PDE4D: variants seen among roughly 807,000 people sequenced by gnomAD.
PDE4D encodes the protein 3',5'-cyclic-AMP phosphodiesterase 4D.
Under a neutral mutation model 87.4 loss-of-function variants are expected in PDE4D, and 24 were observed. The observed-to-expected ratio is 0.27, with a 90% CI of 0.20 to 0.39. PDE4D has a LOEUF of 0.39. Among genes scored for constraint, PDE4D ranks in the 10% least tolerant of loss-of-function variants. PDE4D has a pLI of 1.00. For synonymous variants in PDE4D, 384 were observed against 383.2 expected, an observed-to-expected ratio of 1.00 and a Z score of -0.02; for missense variants, 714 against 1,041.0, an observed-to-expected ratio of 0.69 and a Z score of 4.32.
intron 1 of PDE4D, among the ~76,000 whole-genome samples, chr5:60,403,274 G>C (rs945041780): frequency 5.3e-5 from 8 of 152,192 alleles, no homozygotes; most frequent in African/African-American, 1.9e-4. Flanking sequence ...ATAGAATGAA[G>C]AATACTTAAA....
chr5:60,461,326 A>C (rs954706091), intron 1 of PDE4D, among the ~76,000 whole-genome samples: 3 of 152,152 alleles, frequency 2.0e-5, no homozygotes, highest in Non-Finnish European at 4.4e-5. Flanking sequence ...TCTTGGTGAA[A>C]TTTACCTCCA....
chr5:60,144,136 G>A (rs11741663), intron 2 of PDE4D, among the ~76,000 whole-genome samples: 32,177 of 152,054 alleles, frequency 0.21, 4,304 homozygotes, highest in East Asian at 0.42. Context: ...GTGACCTCCA[G>A]GTGCAAAGGC....
At chr5:59,670,699 T>A (rs184274796) in intron 1 of PDE4D, among the ~76,000 whole-genome samples, 1 of 152,372 alleles carries the variant, frequency 6.6e-6, no homozygotes, top group African/African-American at 2.4e-5. Context: ...AAACATATAC[T>A]AATTCTTAAA....
At chr5:59,880,886 A>G (rs547651159) in intron 1 of PDE4D, among the ~76,000 whole-genome samples, 23 of 152,260 alleles carry the variant, frequency 1.5e-4, no homozygotes, top group East Asian at 1.2e-3. Flanking sequence ...ACCTGTTATT[A>G]CTGGTTTTTT....
intron 1 of PDE4D, among the ~76,000 whole-genome samples, chr5:59,792,369 A>G (rs1329764137): frequency 6.6e-6 from 1 of 150,446 alleles, no homozygotes; most frequent in African/African-American, 2.5e-5. Context: ...GGGCACTTAA[A>G]ATACTAGCAA....
At chr5:59,685,451 T>C (rs1411217988) in intron 1 of PDE4D, among the ~76,000 whole-genome samples, 1 of 152,214 alleles carries the variant, frequency 6.6e-6, no homozygotes, top group African/African-American at 2.4e-5. Flanking sequence ...GGGCCATTTG[T>C]CACTTTTTCT....
intron 1 of PDE4D, among the ~76,000 whole-genome samples, chr5:59,353,058 G>T (rs1780772457): frequency 6.6e-6 from 1 of 152,136 alleles, no homozygotes; most frequent in Non-Finnish European, 1.5e-5. Flanking sequence ...AATAATCTCT[G>T]CCCTACATTC....
intron 1 of PDE4D, among the ~76,000 whole-genome samples, chr5:59,838,600 C>T (rs1234482931): frequency 6.6e-6 from 1 of 151,948 alleles, no homozygotes; most frequent in African/African-American, 2.4e-5. Context: ...GTCAGATTAC[C>T]AACTCGTTTA....
intron 6 of PDE4D, among the ~76,000 whole-genome samples, chr5:59,007,916 C>A (rs1751959396): frequency 6.6e-6 from 1 of 151,938 alleles, no homozygotes; most frequent in Admixed American, 6.6e-5. Context: ...TGCTAAGAGG[C>A]TCCTTGAAGC....
rs1743100603 is a variant in PDE4D at position 58,973,881 on chromosome 5, C to CTACAAATCAGTTAATTGCTATGAACTA, written c.*756_*782dup. ...GGTATATAAAACAAACAATGAATCA[C>CTACAAATCAGTTAATTGCTATGAACTA]TACAAATCAGTTAATTGCTATGAAC... On this transcript the variant is annotated 3_prime_UTR_variant, in exon 15 of 15. Coordinates refer to ENST00000340635, the MANE Select transcript of PDE4D (RefSeq NM_001104631.2). 6.6e-6 allele frequency: 1 copy of CTACAAATCAGTTAATTGCTATGAACTA among 152,510 alleles called. No individual in the cohort carries two copies. Among genetic ancestry groups the CTACAAATCAGTTAATTGCTATGAACTA allele is most frequent in the Non-Finnish European group, 1.5e-5 (1 of 68,012 alleles). The allele number at this position is 152,510 out of a possible 1,614,324, so 9.4% of individuals were successfully genotyped here. A position where few individuals can be genotyped will look rare whatever the true frequency, so the allele number is the denominator to read the frequency against.
rs2153615750 is a variant in PDE4D at position 59,404,423 on chromosome 5, C to T, written c.456-188455G>A. Among the ~76,000 whole-genome samples, 2 of 151,772 alleles carry T rather than the reference C, an allele frequency of 1.3e-5. 1 individual carries two copies. The highest frequency in any genetic ancestry group is 7.0e-3 in the Middle Eastern group (2 of 286). On this transcript the variant is annotated intron_variant, in intron 1 of 14. Coordinates refer to ENST00000340635, the MANE Select transcript of PDE4D (RefSeq NM_001104631.2). The stretch of plus-strand genomic sequence containing the variant: ...CCTGCAATCCATGCACTTTGGGAGG[C>T]CTAGGCAGGTATATCACTTGAGGTC...
At chr5:59,060,473 G>A (rs1357900394) in intron 5 of PDE4D, among the ~76,000 whole-genome samples, 1 of 151,858 alleles carries the variant, frequency 6.6e-6, no homozygotes, top group African/African-American at 2.4e-5. Context: ...TCATATATCT[G>A]TTCATTCACC....
intron 2 of PDE4D, among the ~76,000 whole-genome samples, chr5:60,098,416 ATAAAATATG>A (rs1414941884): frequency 6.6e-6 from 1 of 151,950 alleles, no homozygotes; most frequent in Non-Finnish European, 1.5e-5. Flanking sequence ...ATACATAGAC[ATAAAATATG>A]TTTTCATTCG....
At position 59,851,588 on chromosome 5, in the gene PDE4D, T is replaced by C. The variant is rs757275632; in HGVS notation, c.455+41580A>G. ...TGATTCTGTTTTTTTCAGATATAATTAAGGTTACTAAACAGCTGGCTTTGA... is the reference window on the plus strand; with the variant it reads ...TGATTCTGTTTTTTTCAGATATAATCAAGGTTACTAAACAGCTGGCTTTGA... On this transcript the variant is annotated intron_variant, in intron 1 of 14. Coordinates refer to ENST00000340635, the MANE Select transcript of PDE4D (RefSeq NM_001104631.2). Among the ~76,000 whole-genome samples the C allele has an allele frequency of 2.0e-4, 31 of 151,972 alleles. 1 individual carries two copies. The highest frequency in any genetic ancestry group is 1.4e-3 in the Admixed American group (21 of 15,240).
At chr5:59,725,983 G>T (rs144383258) in intron 1 of PDE4D, among the ~76,000 whole-genome samples, 1 of 152,100 alleles carries the variant, frequency 6.6e-6, no homozygotes, top group East Asian at 1.9e-4. Context: ...ACCACCCTAA[G>T]GACTGCTATG....
chr5:59,725,447 A>G (rs572040025), intron 1 of PDE4D, among the ~76,000 whole-genome samples: 7 of 152,262 alleles, frequency 4.6e-5, no homozygotes, highest in Non-Finnish European at 8.8e-5. Flanking sequence ...CCTTTGAAAT[A>G]CCAAGCAAAA....
At chr5:59,320,707 G>A (rs989975357) in intron 1 of PDE4D, among the ~76,000 whole-genome samples, 1 of 151,958 alleles carries the variant, frequency 6.6e-6, no homozygotes, top group Non-Finnish European at 1.5e-5. Context: ...CTGATTGAGG[G>A]CATAATTTGT....
chr5:59,497,087 C>T (rs1309876194), intron 1 of PDE4D, among the ~76,000 whole-genome samples: 1 of 152,120 alleles, frequency 6.6e-6, no homozygotes, highest in Non-Finnish European at 1.5e-5. Context: ...AGAGCCTTGG[C>T]GCCCTGAAAG....
At chr5:59,798,849 G>A (rs529926106) in intron 1 of PDE4D, among the ~76,000 whole-genome samples, 2 of 152,278 alleles carry the variant, frequency 1.3e-5, no homozygotes, top group South Asian at 4.1e-4. Flanking sequence ...TTGAGCCTCT[G>A]TGGTATGGAA....
Sources: allele counts gnomAD v4.1 joint callset (sites outside exome capture counted in the v4.1 genomes callset), GRCh38; gene constraint gnomAD v4.1.1; transcripts MANE v1.5; gene names NCBI Gene and HGNC (gene_info 2026-07-23, HGNC 2026-07-21).